The following BMPR2 variants were observed in gnomAD, a reference collection of about 807,000 sequenced individuals.
The protein encoded by BMPR2 is bone morphogenetic protein receptor type 2.
A neutral mutation model predicts 100.8 loss-of-function variants in BMPR2; 29 were observed. That is an observed-to-expected ratio of 0.29 (90% confidence interval 0.21 to 0.39). The LOEUF is 0.39. BMPR2 is among the 10% of genes least tolerant of loss of function. BMPR2 has a pLI of 1.00. For missense variants in BMPR2, 1,011 were observed against 1,274.5 expected (o/e 0.79, Z 3.15); for synonymous variants, 382 against 442.3 (o/e 0.86, Z 1.71).
Position 202,535,328 on chromosome 2 carries a change from C to T in BMPR2, c.1276+2596C>T, listed in dbSNP as rs866258926. On this transcript the variant is annotated intron_variant, in intron 9 of 12. Transcript: ENST00000374580. ...GCGGAGGGGCTCCTCACTTCTCAGA[C>T]GGGGCGGTTGCCAGGCAGAGGGTCT... is the stretch of plus-strand genomic sequence containing the variant. 6.7e-3 allele frequency among the ~76,000 whole-genome samples: 1,004 copies of T among 148,762 alleles called. 12 individuals carry two copies. The highest frequency in any genetic ancestry group is 0.023 in the African/African-American group (931 of 39,976).
intron 1 of BMPR2, among the ~76,000 whole-genome samples, chr2:202,410,141 C>T (rs781539800): frequency 2.0e-5 from 3 of 152,062 alleles, no homozygotes; most frequent in Non-Finnish European, 4.4e-5. Context: ...TCTGCCACCA[C>T]GCCTGGCTAA....
intron 10 of BMPR2, 76 bp from the exon 11 acceptor site, chr2:202,552,640 T>C: frequency 6.7e-7 from 1 of 1,488,296 alleles, no homozygotes; most frequent in Non-Finnish European, 9.3e-7. Context: ...TTCTTTTACC[T>C]CATGTGGTAA....
chr2:202,566,434 T>C lies in BMPR2; in HGVS notation c.*6488T>C, dbSNP rs1266298925. On this transcript the variant is annotated 3_prime_UTR_variant, in exon 13 of 13. Coordinates refer to ENST00000374580, the MANE Select transcript of BMPR2 (RefSeq NM_001204.7). ...ATATAATATCAGATTTCATTAATTA[T>C]AAAAAGTTGCCCAGTTCTGTAATTA... 6.6e-6 allele frequency: 1 copy of C among 152,640 alleles called. No homozygotes were observed. Among genetic ancestry groups the C allele is most frequent in the Non-Finnish European group, 1.5e-5 (1 of 68,014 alleles). 9.5% of individuals were successfully genotyped at this position (152,640 alleles called of 1,614,324 possible).
At chr2:202,473,570 C>T (rs929838119) in intron 3 of BMPR2, among the ~76,000 whole-genome samples, 8 of 152,230 alleles carry the variant, frequency 5.3e-5, no homozygotes, top group African/African-American at 1.9e-4. Flanking sequence ...GCGGGCGGCT[C>T]ACTTGAGGTC....
chr2:202,449,810 C>A (rs1475253876), intron 1 of BMPR2, among the ~76,000 whole-genome samples: 4 of 152,088 alleles, frequency 2.6e-5, no homozygotes, highest in Non-Finnish European at 5.9e-5. Context: ...TATATTATAG[C>A]CTTGAGGCTG....
intron 1 of BMPR2, among the ~76,000 whole-genome samples, chr2:202,423,215 T>C (rs1691306069): frequency 6.6e-6 from 1 of 151,276 alleles, no homozygotes; most frequent in Non-Finnish European, 1.5e-5. Context: ...AAAAATAACA[T>C]GGCTAGGCTC....
chr2:202,486,410 C>T (rs1253264752), intron 3 of BMPR2, among the ~76,000 whole-genome samples: 2 of 152,142 alleles, frequency 1.3e-5, no homozygotes, highest in African/African-American at 4.8e-5. Context: ...AAGCGGATCA[C>T]TTGAGGCCAG....
intron 3 of BMPR2, among the ~76,000 whole-genome samples, chr2:202,490,311 AAGGT>A (rs1692874650): frequency 6.6e-6 from 1 of 152,142 alleles, no homozygotes; most frequent in African/African-American, 2.4e-5. Context: ...CTAAAGTCAA[AAGGT>A]ATGTACACAC....
chr2:202,465,248 GTA>G (rs1559046750), intron 2 of BMPR2, among the ~76,000 whole-genome samples: 1 of 151,938 alleles, frequency 6.6e-6, no homozygotes, highest in African/African-American at 2.4e-5. Flanking sequence ...AATTAGTCGG[GTA>G]TGGTGGTGTG....
chr2:202,423,375 G>A (rs1691309891), intron 1 of BMPR2, among the ~76,000 whole-genome samples: 1 of 152,196 alleles, frequency 6.6e-6, no homozygotes, highest in African/African-American at 2.4e-5. Flanking sequence ...ATCAGAACTT[G>A]GCTCCCACTT....
intron 1 of BMPR2, among the ~76,000 whole-genome samples, chr2:202,386,170 C>T (rs567029203): frequency 3.9e-4 from 59 of 152,228 alleles, no homozygotes; most frequent in Admixed American, 5.9e-4. Flanking sequence ...GTGATCTCAT[C>T]CAGTTTTATG....
intron 3 of BMPR2, among the ~76,000 whole-genome samples, chr2:202,502,628 A>G (rs62194100): frequency 0.051 from 7,719 of 152,278 alleles, 252 homozygotes; most frequent in Non-Finnish European, 0.077. Context: ...AACAAAATCT[A>G]TCCTTACTGT....
At chr2:202,536,894 G>C (rs1238276047) in intron 9 of BMPR2, among the ~76,000 whole-genome samples, 2 of 144,924 alleles carry the variant, frequency 1.4e-5, no homozygotes, top group African/African-American at 2.5e-5. Context: ...AAAAAAAGAA[G>C]TACTTTTTTT....
intron 3 of BMPR2, among the ~76,000 whole-genome samples, chr2:202,476,207 G>A (rs1440193576): frequency 1.3e-5 from 2 of 150,772 alleles, no homozygotes; most frequent in African/African-American, 2.4e-5. Flanking sequence ...TAATTTCCAT[G>A]TCTTTATTTC....
chr2:202,454,714 TTG>T (rs1232851598), intron 1 of BMPR2, among the ~76,000 whole-genome samples: 1 of 152,216 alleles, frequency 6.6e-6, no homozygotes, highest in Non-Finnish European at 1.5e-5. Context: ...TTTGACAATT[TTG>T]TTTATATATA....
intron 10 of BMPR2, among the ~76,000 whole-genome samples, chr2:202,547,535 C>T (rs770533907): frequency 5.3e-5 from 8 of 152,104 alleles, no homozygotes; most frequent in Non-Finnish European, 8.8e-5. Flanking sequence ...GTAATCCCAG[C>T]ACTTTGGGAG....
At chr2:202,417,175 C>T (rs1424998909) in intron 1 of BMPR2, among the ~76,000 whole-genome samples, 2 of 143,390 alleles carry the variant, frequency 1.4e-5, no homozygotes, top group African/African-American at 2.6e-5. Flanking sequence ...CTCCCTCTGT[C>T]GCCCAGGCTG....
chr2:202,385,662 CA>C lies in BMPR2; in HGVS notation c.76+8128del, dbSNP rs34934213. Among the ~76,000 whole-genome samples the C allele has an allele frequency of 5.3e-3, 433 of 82,084 alleles. 1 individual carries two copies. The highest frequency in any genetic ancestry group is 0.014 in the African/African-American group (254 of 17,702). The allele number at this position is 82,084 out of a possible 152,430, so 53.9% of individuals were successfully genotyped here. A position where few individuals can be genotyped will look rare whatever the true frequency, so the allele number is the denominator to read the frequency against. On this transcript the variant is annotated intron_variant, in intron 1 of 12. Transcript: ENST00000374580. The stretch of plus-strand genomic sequence containing the variant: ...TACAGGCGTGAGCCACCACGCCTGG[CA>C]AAAAAAAAAAAAAAAGCATGTATTT...
In BMPR2 at chr2:202,376,806, G is replaced by C; in HGVS notation, c.-669G>C. On this transcript the variant is annotated 5_prime_UTR_variant, in exon 1 of 13. Coordinates refer to ENST00000374580, the MANE Select transcript of BMPR2 (RefSeq NM_001204.7). ...CCGCTCCTACCTCTCCTCAGCCTTC[G>C]CCAGGGCCTCCCCAACCCTCTCACG... The C allele has an allele frequency of 2.5e-6, 1 of 401,382 alleles. No homozygotes were observed. The highest frequency in any genetic ancestry group is 4.4e-6 in the Non-Finnish European group (1 of 229,092). The allele number at this position is 401,382 out of a possible 1,614,324, so 24.9% of individuals were successfully genotyped here.
Sources: gnomAD v4.1 joint callset for allele counts (sites outside exome capture counted in the v4.1 genomes callset) on GRCh38, gnomAD v4.1.1 for gene constraint, MANE v1.5 for transcripts, NCBI Gene and HGNC (gene_info 2026-07-23, HGNC 2026-07-21) for gene names.